GLIS3: variants seen among roughly 807,000 people sequenced by gnomAD.
The protein encoded by GLIS3 is GLIS family zinc finger 3.
In GLIS3, 53 loss-of-function variants were observed where a neutral mutation model predicts 78.6. The observed-to-expected ratio is 0.67, with a 90% CI of 0.54 to 0.85. The LOEUF is 0.85. Ranked by LOEUF, GLIS3 falls within the 40% of genes least tolerant of loss-of-function variation. The probability of loss-of-function intolerance (pLI) is 0.00; values close to 1 mark genes in which losing one functional copy is unlikely to be tolerated. For missense variants in GLIS3, 1,703 were observed against 1,231.1 expected (o/e 1.38, Z -5.74); for synonymous variants, 684 against 509.9 (o/e 1.34, Z -4.60).
intron 8 of GLIS3, among the ~76,000 whole-genome samples, chr9:3,857,770 C>T (rs1165059908): frequency 6.6e-6 from 1 of 152,164 alleles, no homozygotes; most frequent in Non-Finnish European, 1.5e-5. Flanking sequence ...AAAAGATCTG[C>T]TGAATAGCTT....
At chr9:4,406,006 A>C in the GLIS3 span, among the ~76,000 whole-genome samples, 1 of 152,362 alleles carries the variant, frequency 6.6e-6, no homozygotes, top group Non-Finnish European at 1.5e-5. Context: ...CATTTGATAA[A>C]GTTTAACATC....
chr9:4,134,085 G>C (rs1442385335), intron 2 of GLIS3, among the ~76,000 whole-genome samples: 1 of 152,138 alleles, frequency 6.6e-6, no homozygotes, highest in Admixed American at 6.5e-5. Context: ...TGGCAAGAAA[G>C]ACTGAAAGGA....
At chr9:3,992,353 C>T (rs116922882) in intron 4 of GLIS3, among the ~76,000 whole-genome samples, 6,123 of 152,254 alleles carry the variant, frequency 0.04, 160 homozygotes, top group Non-Finnish European at 0.059. Context: ...AATGACTTGT[C>T]TGTGTAATGA....
chr9:4,414,687 C>G, the GLIS3 span, among the ~76,000 whole-genome samples: 1 of 152,060 alleles, frequency 6.6e-6, no homozygotes, highest in South Asian at 2.1e-4. Flanking sequence ...TCCTCCTAGC[C>G]CATCTGTGCA....
intron 2 of GLIS3, among the ~76,000 whole-genome samples, chr9:4,159,513 G>C (rs975981199): frequency 5.9e-5 from 9 of 152,168 alleles, no homozygotes; most frequent in Non-Finnish European, 1.3e-4. Flanking sequence ...GAGGTGAGGA[G>C]TTTGAGACCA....
intron 2 of GLIS3, among the ~76,000 whole-genome samples, chr9:4,161,050 C>A (rs1238224280): frequency 6.8e-6 from 1 of 148,010 alleles, no homozygotes; most frequent in Non-Finnish European, 1.5e-5. Flanking sequence ...TCGAAATCAG[C>A]CTGGGAAATG....
chr9:4,049,449 G>T (rs1241133558), intron 4 of GLIS3, among the ~76,000 whole-genome samples: 1 of 152,172 alleles, frequency 6.6e-6, no homozygotes, highest in Non-Finnish European at 1.5e-5. Flanking sequence ...CAGTGCCAAT[G>T]CCAGGCTGGC....
intron 4 of GLIS3, among the ~76,000 whole-genome samples, chr9:4,053,351 C>G (rs868232402): frequency 2.6e-5 from 4 of 152,156 alleles, no homozygotes; most frequent in Non-Finnish European, 5.9e-5. Context: ...TGACCACCTC[C>G]TGAGACAGAA....
At chr9:4,213,141 G>A (rs1820520093) in intron 2 of GLIS3, among the ~76,000 whole-genome samples, 1 of 152,054 alleles carries the variant, frequency 6.6e-6, no homozygotes, top group Non-Finnish European at 1.5e-5. Context: ...GGGCCTCCTA[G>A]AATTGACCAG....
the GLIS3 span, among the ~76,000 whole-genome samples, chr9:4,364,831 G>A: frequency 4.6e-5 from 6 of 130,904 alleles, no homozygotes; most frequent in East Asian, 4.9e-4. Flanking sequence ...GAAGCACAGC[G>A]GCTATTCACA....
At chr9:4,239,802 A>G (rs1386934251) in intron 2 of GLIS3, among the ~76,000 whole-genome samples, 2 of 152,228 alleles carry the variant, frequency 1.3e-5, no homozygotes, top group African/African-American at 4.8e-5. Flanking sequence ...GCAGTAGATA[A>G]AAGAACTGTG....
chr9:4,473,920 A>G, the GLIS3 span, among the ~76,000 whole-genome samples: 1 of 152,188 alleles, frequency 6.6e-6, no homozygotes, highest in African/African-American at 2.4e-5. Context: ...TTATTTAAAA[A>G]AACTAAAAAA....
At chr9:3,973,136 G>A (rs1278330780) in intron 4 of GLIS3, among the ~76,000 whole-genome samples, 2 of 152,172 alleles carry the variant, frequency 1.3e-5, no homozygotes, top group South Asian at 2.1e-4. Flanking sequence ...GGGAAGAGAT[G>A]CATAGGGCAA....
intron 2 of GLIS3, among the ~76,000 whole-genome samples, chr9:4,194,214 C>G (rs535696345): frequency 6.6e-6 from 1 of 151,994 alleles, no homozygotes; most frequent in Non-Finnish European, 1.5e-5. Context: ...CACGCTGCCA[C>G]GCCCAGCTAA....
At chr9:4,176,111 A>G (rs147930301) in intron 2 of GLIS3, among the ~76,000 whole-genome samples, 2 of 152,308 alleles carry the variant, frequency 1.3e-5, no homozygotes, top group African/African-American at 4.8e-5. Context: ...GGCAGGCTCT[A>G]GCCCCCTCCT....
chr9:4,200,393 T>C lies in GLIS3; in HGVS notation c.389-74452A>G, dbSNP rs150973143. 8.5e-3 allele frequency among the ~76,000 whole-genome samples: 1,285 copies of C among 151,628 alleles called. 19 individuals carry two copies. The highest frequency in any genetic ancestry group is 0.029 in the African/African-American group (1,214 of 41,316). On this transcript the variant is annotated intron_variant, in intron 2 of 10. Coordinates refer to ENST00000381971, the MANE Select transcript of GLIS3 (RefSeq NM_001042413.2). ...TTGTTTTTTGAGAGAATAAATCAGA[T>C]TGGTAGACTACTAGCTAGATTATTC... is the stretch of plus-strand genomic sequence containing the variant.
the GLIS3 span, among the ~76,000 whole-genome samples, chr9:4,453,599 A>C: frequency 6.6e-6 from 1 of 152,216 alleles, no homozygotes; most frequent in Admixed American, 6.5e-5. Flanking sequence ...GAACCAACCC[A>C]AATATCCATC....
At chr9:4,190,983 T>G (rs919798194) in intron 2 of GLIS3, among the ~76,000 whole-genome samples, 5 of 151,968 alleles carry the variant, frequency 3.3e-5, no homozygotes, top group Admixed American at 6.6e-5. Flanking sequence ...AAGCAAATGC[T>G]GAGAGATTTT....
At chr9:4,063,687 C>T (rs1297883258) in intron 4 of GLIS3, among the ~76,000 whole-genome samples, 1 of 151,940 alleles carries the variant, frequency 6.6e-6, no homozygotes, top group African/African-American at 2.4e-5. Context: ...AACAAGAAAA[C>T]GAATGAGACA....
Sources: allele counts gnomAD v4.1 joint callset (sites outside exome capture counted in the v4.1 genomes callset), GRCh38; gene constraint gnomAD v4.1.1; transcripts MANE v1.5; gene names NCBI Gene and HGNC (gene_info 2026-07-23, HGNC 2026-07-21).